RBPJ: variants seen among roughly 807,000 people sequenced by gnomAD.
RBPJ encodes recombination signal binding protein for immunoglobulin kappa J region, also known as recombining binding protein suppressor of hairless.
Under a neutral mutation model 67.8 loss-of-function variants are expected in RBPJ, and 9 were observed. The observed-to-expected ratio is 0.13, with a 90% CI of 0.08 to 0.23. RBPJ has a LOEUF of 0.23. Ranked by LOEUF, RBPJ falls within the 10% of genes least tolerant of loss-of-function variation. RBPJ has a pLI of 1.00. For missense variants in RBPJ, 305 were observed against 595.6 expected (o/e 0.51, Z 5.08); for synonymous variants, 198 against 203.3 (o/e 0.97, Z 0.22).
At chr4:26,109,442 C>A in the RBPJ span, among the ~76,000 whole-genome samples, 16 of 29,756 alleles carry the variant, frequency 5.4e-4, no homozygotes, top group African/African-American at 1.9e-3. Context: ...CTCTCTCTCT[C>A]TCTCTCTCTC....
rs115606763 is a variant in RBPJ at position 26,370,852 on chromosome 4, C to A, written c.21-15501C>A. ...TCCCAGCACTTTGGGAGACCGAGGC[C>A]GGCAGATCACGAGATAAGGAGATCG... On this transcript the variant is annotated intron_variant, in intron 1 of 10. Transcript: ENST00000355476. Among the ~76,000 whole-genome samples the A allele has an allele frequency of 6.4e-3, 980 of 151,956 alleles. 2 individuals are homozygous for A. The highest frequency in any genetic ancestry group is 0.011 in the Non-Finnish European group (744 of 67,950).
upstream of RBPJ, chr4:26,319,682 A>C (rs1345752312): frequency 1.7e-5 from 11 of 665,846 alleles, no homozygotes; most frequent in African/African-American, 3.6e-5. Context: ...GGTGGGAAGG[A>C]GGTGTAGCGT....
chr4:26,319,898 G>C (rs776837625), upstream of RBPJ: 5 of 1,595,198 alleles, frequency 3.1e-6, no homozygotes, highest in African/African-American at 1.4e-5. Context: ...GGTAGGAGGA[G>C]GGGGCGGGAT....
chr4:26,117,498 T>A, the RBPJ span, among the ~76,000 whole-genome samples: 13 of 152,060 alleles, frequency 8.5e-5, no homozygotes, highest in Admixed American at 3.3e-4. Context: ...GCAATTAAAT[T>A]CTATATTGCA....
the RBPJ span, among the ~76,000 whole-genome samples, chr4:26,110,912 T>C: frequency 6.6e-6 from 1 of 152,178 alleles, no homozygotes; most frequent in Non-Finnish European, 1.5e-5. The surrounding 1 kb of genome is among the most constrained non-coding windows in gnomAD (Gnocchi z 4.5). Flanking sequence ...GGGAGCAGAC[T>C]AGGAACTTAT....
intron 1 of RBPJ, among the ~76,000 whole-genome samples, chr4:26,374,779 T>C (rs541797658): frequency 6.6e-6 from 1 of 152,172 alleles, no homozygotes; most frequent in Non-Finnish European, 1.5e-5. Context: ...CTGGCACTCT[T>C]TTCACAACAT....
At chr4:26,307,070 TA>T (rs748039735) in intron 1 of RBPJ, among the ~76,000 whole-genome samples, 4 of 152,124 alleles carry the variant, frequency 2.6e-5, no homozygotes, top group Non-Finnish European at 5.9e-5. Context: ...GCCAAAAAAA[TA>T]AAGAACTCAC....
At chr4:26,204,324 G>A (rs1459290687) in intron 1 of RBPJ, among the ~76,000 whole-genome samples, 1 of 152,154 alleles carries the variant, frequency 6.6e-6, no homozygotes, top group Non-Finnish European at 1.5e-5. Flanking sequence ...GCTGAATCTA[G>A]CAGAGGAAGT....
chr4:26,128,620 A>C, the RBPJ span, among the ~76,000 whole-genome samples: 2 of 152,186 alleles, frequency 1.3e-5, no homozygotes, highest in Non-Finnish European at 2.9e-5. Context: ...ATACAGTATG[A>C]TATACAATAT....
rs180990723 is a variant in RBPJ, at chr4:26,399,369, T to A, written c.60-6806T>A. Among the ~76,000 whole-genome samples the A allele has an allele frequency of 8.5e-5, 13 of 152,348 alleles. 1 individual carries two copies. The highest frequency in any genetic ancestry group is 7.2e-4 in the Admixed American group (11 of 15,294). On this transcript the variant is annotated intron_variant, in intron 2 of 10. Transcript: ENST00000355476. ...CTTAACTGAAGTTCTCTTTTACCTT[T>A]ACGCGGGGACCAGGTTCTTCCCTTT...
downstream of RBPJ, chr4:26,435,130 A>T (rs1033115992): frequency 2.6e-5 from 4 of 152,134 alleles, no homozygotes; most frequent in African/African-American, 7.2e-5. Context: ...TCCCTGTGTA[A>T]ATGGTGAAAT....
intron 3 of RBPJ, among the ~76,000 whole-genome samples, chr4:26,407,446 A>T (rs895870711): frequency 1.3e-5 from 2 of 152,236 alleles, no homozygotes; most frequent in South Asian, 2.1e-4. Flanking sequence ...GGTGATTTTT[A>T]AAAAATTATT....
intron 1 of RBPJ, among the ~76,000 whole-genome samples, chr4:26,299,012 G>A (rs1420788235): frequency 1.3e-5 from 2 of 152,120 alleles, no homozygotes; most frequent in Admixed American, 6.5e-5. Flanking sequence ...GAAAATGCAC[G>A]CTTTCCTGGG....
chr4:26,241,323 G>T (rs111694876), intron 1 of RBPJ, among the ~76,000 whole-genome samples: 1 of 151,940 alleles, frequency 6.6e-6, no homozygotes, highest in Non-Finnish European at 1.5e-5. Context: ...GTGAAAAAAA[G>T]AGCTGACATT....
At chr4:26,372,215 G>T (rs531934758) in intron 1 of RBPJ, among the ~76,000 whole-genome samples, 1 of 152,230 alleles carries the variant, frequency 6.6e-6, no homozygotes, top group African/African-American at 2.4e-5. Flanking sequence ...AAGATAATTT[G>T]GAAATCCAGT....
rs537732006 is a variant in RBPJ, at chr4:26,346,236, C to G, written c.20+25188C>G. Among the ~76,000 whole-genome samples, 3 of 152,240 alleles carry G rather than the reference C, an allele frequency of 2.0e-5. No individual in the cohort carries two copies. The East Asian group carries it at 5.8e-4, about 29-fold the overall frequency. Reference sequence around the variant, plus strand: ...AAAGAAAGAGAAAGAGAAAGGAAAACAGCTTTCTCTCTAGTGAGAGAGAGG... The same window carrying G: ...AAAGAAAGAGAAAGAGAAAGGAAAAGAGCTTTCTCTCTAGTGAGAGAGAGG... On this transcript the variant is annotated intron_variant, in intron 1 of 10. Transcript: ENST00000355476.
upstream of RBPJ, chr4:26,319,881 G>C (rs771282383): frequency 7.5e-5 from 120 of 1,597,406 alleles, no homozygotes; most frequent in Non-Finnish European, 9.7e-5. Context: ...AAAGATGGGG[G>C]GCTGCAGGTA....
chr4:26,247,573 G>T (rs1719969789), intron 1 of RBPJ, among the ~76,000 whole-genome samples: 1 of 152,070 alleles, frequency 6.6e-6, no homozygotes, highest in Non-Finnish European at 1.5e-5. Flanking sequence ...ACCGCGTCCG[G>T]CTAATTTGGT....
intron 1 of RBPJ, among the ~76,000 whole-genome samples, chr4:26,267,289 G>T (rs1720735010): frequency 6.6e-6 from 1 of 152,136 alleles, no homozygotes; most frequent in African/African-American, 2.4e-5. Flanking sequence ...CTACAGTCCA[G>T]CCTCCCAGAG....
Sources: gnomAD v4.1 joint callset for allele counts (sites outside exome capture counted in the v4.1 genomes callset) on GRCh38, gnomAD v4.1.1 for gene constraint, Gnocchi (gnomAD v3.1) non-coding constraint, MANE v1.5 for transcripts, NCBI Gene and HGNC (gene_info 2026-07-23, HGNC 2026-07-21) for gene names.